Variants in CSMD1 observed in about 807,000 individuals in gnomAD.
CSMD1 encodes the protein CUB and sushi domain-containing protein 1.
CSMD1 carries 213 observed loss-of-function variants against 417.5 expected under a neutral mutation model. The observed-to-expected ratio is 0.51, with a 90% CI of 0.46 to 0.57. The LOEUF is 0.57. Among genes scored for constraint, CSMD1 ranks in the 20% least tolerant of loss-of-function variants. The probability of loss-of-function intolerance (pLI) is 0.00; values close to 1 mark genes in which losing one functional copy is unlikely to be tolerated. For missense variants in CSMD1, 6,923 were observed against 4,529.7 expected (o/e 1.53, Z -15.17); for synonymous variants, 2,862 against 1,736.8 (o/e 1.65, Z -16.11).
At chr8:4,190,488 C>G (rs1239650569) in intron 3 of CSMD1, among the ~76,000 whole-genome samples, 2 of 150,488 alleles carry the variant, frequency 1.3e-5, no homozygotes, top group African/African-American at 4.9e-5. Flanking sequence ...GTAAGTTAAC[C>G]AAGTAAAATA....
rs11998487 is a variant in CSMD1 at position 3,226,501 on chromosome 8, T to G, written c.4346-2634A>C. 8.2e-3 allele frequency among the ~76,000 whole-genome samples: 1,225 copies of G among 149,776 alleles called. 16 individuals are homozygous for G. Among genetic ancestry groups the G allele is most frequent in the African/African-American group, 0.028 (1,146 of 40,574 alleles). On this transcript the variant is annotated intron_variant, in intron 27 of 69. Transcript: ENST00000635120. ...AGGAGGCTGAGGCAGGAGAATCGCTTGAACCTGGGAGCGGAGGCTGCAGTG... is the reference window on the plus strand; with the variant it reads ...AGGAGGCTGAGGCAGGAGAATCGCTGGAACCTGGGAGCGGAGGCTGCAGTG...
At chr8:3,119,408 A>C (rs990014563) in intron 41 of CSMD1, among the ~76,000 whole-genome samples, 2 of 134,718 alleles carry the variant, frequency 1.5e-5, no homozygotes, top group Non-Finnish European at 3.1e-5. Flanking sequence ...AAAAAAAAAA[A>C]AAAACACTGT....
intron 5 of CSMD1, among the ~76,000 whole-genome samples, chr8:3,798,475 CT>C (rs1437716593): frequency 2.0e-5 from 3 of 151,966 alleles, no homozygotes; most frequent in African/African-American, 7.3e-5. Flanking sequence ...TGATTCATAT[CT>C]TGTGGATATA....
chr8:4,046,201 G>C (rs943572099), intron 3 of CSMD1, among the ~76,000 whole-genome samples: 1 of 151,954 alleles, frequency 6.6e-6, no homozygotes, highest in Non-Finnish European at 1.5e-5. Context: ...TGTGTGTGTA[G>C]AAAATAATAA....
At chr8:4,251,241 C>G (rs887103738) in intron 3 of CSMD1, among the ~76,000 whole-genome samples, 5 of 151,984 alleles carry the variant, frequency 3.3e-5, no homozygotes, top group African/African-American at 9.7e-5. Flanking sequence ...ATATGTTTCC[C>G]TCACCAATCA....
intron 3 of CSMD1, among the ~76,000 whole-genome samples, chr8:4,063,089 T>G (rs184933697): frequency 1.1e-4 from 17 of 152,276 alleles, no homozygotes; most frequent in Admixed American, 3.3e-4. Flanking sequence ...GTTCTAATGT[T>G]TGATAGCACT....
chr8:4,454,346 T>C (rs377238146), intron 2 of CSMD1, among the ~76,000 whole-genome samples: 1 of 152,308 alleles, frequency 6.6e-6, no homozygotes, highest in African/African-American at 2.4e-5. Context: ...CAGCTTCATC[T>C]TACTTTTCTT....
At chr8:4,859,990 G>A (rs1240920697) in intron 1 of CSMD1, among the ~76,000 whole-genome samples, 1 of 152,022 alleles carries the variant, frequency 6.6e-6, no homozygotes, top group Non-Finnish European at 1.5e-5. Context: ...ATTCACGATA[G>A]CAAAGACTTG....
intron 41 of CSMD1, among the ~76,000 whole-genome samples, chr8:3,141,051 C>T (rs1818407986): frequency 6.6e-6 from 1 of 152,148 alleles, no homozygotes; most frequent in South Asian, 2.1e-4. Flanking sequence ...CAACTCCGTG[C>T]ACAATGGGAC....
intron 10 of CSMD1, among the ~76,000 whole-genome samples, chr8:3,558,965 T>C (rs1189359273): frequency 1.3e-5 from 2 of 152,084 alleles, no homozygotes; most frequent in Admixed American, 6.6e-5. Flanking sequence ...GACGGCAGAA[T>C]TGGAATGAAA....
chr8:3,670,041 A>AG (rs1320424376), intron 7 of CSMD1, among the ~76,000 whole-genome samples: 1 of 152,202 alleles, frequency 6.6e-6, no homozygotes, highest in East Asian at 1.9e-4. Flanking sequence ...AAATGTTCCT[A>AG]GGGTCTCACA....
At chr8:3,702,731 C>G (rs1232556894) in intron 7 of CSMD1, among the ~76,000 whole-genome samples, 4 of 152,192 alleles carry the variant, frequency 2.6e-5, no homozygotes, top group Admixed American at 1.3e-4. Flanking sequence ...ACTCAGGAGG[C>G]TGAGGCAGGA....
At chr8:3,005,761 G>A (rs1302508257) in intron 52 of CSMD1, among the ~76,000 whole-genome samples, 2 of 152,120 alleles carry the variant, frequency 1.3e-5, no homozygotes, top group Admixed American at 1.3e-4. Context: ...AGGTATTGAT[G>A]GGATGTATCT....
chr8:3,602,397 A>C (rs1293852929), intron 8 of CSMD1, among the ~76,000 whole-genome samples: 9 of 152,186 alleles, frequency 5.9e-5, no homozygotes, highest in Non-Finnish European at 1.3e-4. Flanking sequence ...TGAGATTCTG[A>C]AGAGATTTTA....
At chr8:3,442,550 T>C (rs1815052870) in intron 12 of CSMD1, among the ~76,000 whole-genome samples, 1 of 152,228 alleles carries the variant, frequency 6.6e-6, no homozygotes. Context: ...TCACATGCTG[T>C]ACAGGTTTGG....
chr8:4,043,113 A>G (rs1249612338), intron 3 of CSMD1, among the ~76,000 whole-genome samples: 2 of 152,138 alleles, frequency 1.3e-5, no homozygotes, highest in Non-Finnish European at 2.9e-5. Flanking sequence ...AGCCTGGGTG[A>G]GACAGTGAGA....
At chr8:4,622,825 C>T (rs946923082) in intron 2 of CSMD1, among the ~76,000 whole-genome samples, 1 of 152,124 alleles carries the variant, frequency 6.6e-6, no homozygotes, top group African/African-American at 2.4e-5. Context: ...GTTGAGCTGC[C>T]TCTCTTTGCA....
intron 37 of CSMD1, among the ~76,000 whole-genome samples, chr8:3,171,351 C>T (rs1329884548): frequency 2.0e-5 from 3 of 152,158 alleles, no homozygotes; most frequent in Non-Finnish European, 4.4e-5. Context: ...GCCTGATTTC[C>T]ACTTCAAATA....
At chr8:3,590,825 T>C (rs1800813910) in intron 8 of CSMD1, among the ~76,000 whole-genome samples, 2 of 152,180 alleles carry the variant, frequency 1.3e-5, no homozygotes, top group Admixed American at 6.5e-5. Context: ...CCAATTCTAA[T>C]TTATTAATTC....
Sources: allele counts gnomAD v4.1 joint callset (sites outside exome capture counted in the v4.1 genomes callset), GRCh38; gene constraint gnomAD v4.1.1; transcripts MANE v1.5; gene names NCBI Gene and HGNC (gene_info 2026-07-23, HGNC 2026-07-21).